Variants in THEMIS observed in about 807,000 individuals in gnomAD.
The protein encoded by THEMIS is protein THEMIS.
THEMIS carries 37 observed loss-of-function variants against 52.6 expected under a neutral mutation model. The ratio of observed to expected loss-of-function variants is 0.70; its 90% CI spans 0.54 to 0.93. The LOEUF (loss-of-function observed/expected upper bound fraction) is 0.93, where lower values mean the gene tolerates loss of function less well. Among genes scored for constraint, THEMIS ranks in the 40% least tolerant of loss-of-function variants. The pLI is 0.00. For missense variants in THEMIS, 808 were observed against 763.1 expected, an observed-to-expected ratio of 1.06 and a Z score of -0.69; for synonymous variants, 292 against 272.7, an observed-to-expected ratio of 1.07 and a Z score of -0.70.
intron 4 of THEMIS, among the ~76,000 whole-genome samples, chr6:127,741,030 A>G (rs1775185468): frequency 6.6e-6 from 1 of 152,196 alleles, no homozygotes; most frequent in Non-Finnish European, 1.5e-5. Flanking sequence ...TTTATAGATA[A>G]CATCTATTAG....
At chr6:127,785,182 A>G (rs1279052378) in intron 4 of THEMIS, among the ~76,000 whole-genome samples, 1 of 151,078 alleles carries the variant, frequency 6.6e-6, no homozygotes, top group Admixed American at 6.6e-5. Flanking sequence ...TTGTCTACCT[A>G]CCTAATCTAT....
At position 127,813,613 on chromosome 6, in the gene THEMIS, T is replaced by C. The variant is rs1216504882; in HGVS notation, c.1028A>G (p.Lys343Arg). 1 of 1,614,120 alleles carries C rather than the reference T, an allele frequency of 6.2e-7. No individual in the cohort carries two copies. Among genetic ancestry groups the C allele is most frequent in the Admixed American group, 1.7e-5 (1 of 60,014 alleles). Reference sequence around the variant, plus strand: ...CGTTGGGAACTCCCTCGGTCGCCGCTTGAACTTGCCTTTATAGCTAGTGGG... The same window carrying C: ...CGTTGGGAACTCCCTCGGTCGCCGCCTGAACTTGCCTTTATAGCTAGTGGG... ...LIPTSYKGKFKRRPREFPTAY... is the reference protein window; with the variant it reads ...LIPTSYKGKFRRRPREFPTAY... Residue 343 changes from lysine to arginine, a missense_variant, in exon 4 of 6, where the codon AAG (lysine) becomes AGG (arginine). Lys to Arg is a conservative substitution (Grantham distance 26, BLOSUM62 2). Coordinates refer to ENST00000368248, the MANE Select transcript of THEMIS (RefSeq NM_001010923.3).
intron 4 of THEMIS, among the ~76,000 whole-genome samples, chr6:127,728,416 G>A (rs925991065): frequency 2.0e-5 from 3 of 152,292 alleles, no homozygotes; most frequent in Admixed American, 1.3e-4. Flanking sequence ...ATCCCCCAAA[G>A]CAACTTCTTT....
At chr6:127,800,894 G>A (rs370449558) in intron 4 of THEMIS, among the ~76,000 whole-genome samples, 5 of 152,284 alleles carry the variant, frequency 3.3e-5, no homozygotes, top group Admixed American at 2.0e-4. Flanking sequence ...CATTAGTTCT[G>A]TCCCTGTAGA....
chr6:127,785,965 C>T (rs1037216274), intron 4 of THEMIS, among the ~76,000 whole-genome samples: 2 of 151,934 alleles, frequency 1.3e-5, no homozygotes, highest in Non-Finnish European at 2.9e-5. Context: ...CTGAAAGTAC[C>T]TCATCTTCTC....
chr6:127,852,213 C>G (rs1384586129), intron 2 of THEMIS, among the ~76,000 whole-genome samples: 2 of 151,210 alleles, frequency 1.3e-5, no homozygotes, highest in African/African-American at 4.8e-5. Flanking sequence ...ATACATATAC[C>G]CCTACCATCA....
intron 4 of THEMIS, among the ~76,000 whole-genome samples, chr6:127,802,538 T>TTGG (rs1777570589): frequency 2.0e-5 from 3 of 151,802 alleles, no homozygotes; most frequent in South Asian, 2.1e-4. Flanking sequence ...GGCTAATTAA[T>TTGG]CACAGTGTTC....
rs1380032190 is a variant in THEMIS at position 127,851,265 on chromosome 6, A to T, written c.250+3765T>A. Reference sequence around the variant, plus strand: ...AAATGGCAAAAACTTTCAAAATTTGATGAAAAACAATCTACACATTCAAGA... The same window carrying T: ...AAATGGCAAAAACTTTCAAAATTTGTTGAAAAACAATCTACACATTCAAGA... On this transcript the variant is annotated intron_variant, in intron 2 of 5. Transcript: ENST00000368248. Among the ~76,000 whole-genome samples, 7 of 151,376 alleles carry T rather than the reference A, an allele frequency of 4.6e-5. No homozygotes were observed. In the East Asian group the frequency reaches 1.4e-3, roughly 30 times the overall value.
At chr6:127,811,572 T>C (rs1777908821) in intron 4 of THEMIS, among the ~76,000 whole-genome samples, 1 of 152,218 alleles carries the variant, frequency 6.6e-6, no homozygotes, top group Admixed American at 6.5e-5. Context: ...TTTAAGCACA[T>C]GTGCAAAGTC....
At chr6:127,854,912 C>T (rs1221623473) in intron 2 of THEMIS, 118 bp downstream of exon 2, 2 of 801,272 alleles carry the variant, frequency 2.5e-6, no homozygotes, top group East Asian at 3.3e-5. Flanking sequence ...TCCGGATTTT[C>T]CCCCCCATTA....
At chr6:127,740,848 TTGTGACATATA>T (rs1775179635) in intron 4 of THEMIS, among the ~76,000 whole-genome samples, 1 of 152,202 alleles carries the variant, frequency 6.6e-6, no homozygotes, top group Non-Finnish European at 1.5e-5. Flanking sequence ...AGGGGACATT[TTGTGACATATA>T]TTTTTTATAT....
At chr6:127,840,267 A>G (rs944302834) in intron 2 of THEMIS, among the ~76,000 whole-genome samples, 1 of 152,128 alleles carries the variant, frequency 6.6e-6, no homozygotes, top group Non-Finnish European at 1.5e-5. Flanking sequence ...AATTGTATAA[A>G]TGGCCATGTT....
At position 127,849,106 on chromosome 6, in the gene THEMIS, G is replaced by C. The variant is rs1240882785; in HGVS notation, c.250+5924C>G. On this transcript the variant is annotated intron_variant, in intron 2 of 5. Transcript: ENST00000368248. ...CCATCTTGAATTAATTTTTGTATAA[G>C]GTGTAAGGAAGGGATCCAGTTTCAG... Among the ~76,000 whole-genome samples the C allele has an allele frequency of 2.6e-5, 4 of 152,036 alleles. No homozygotes were observed. In the South Asian group the frequency reaches 8.3e-4, roughly 32 times the overall value.
chr6:127,735,352 G>A (rs1345340996), intron 4 of THEMIS, among the ~76,000 whole-genome samples: 1 of 151,868 alleles, frequency 6.6e-6, no homozygotes, highest in Non-Finnish European at 1.5e-5. Flanking sequence ...TGTGTATGTT[G>A]ACAGAAAGCA....
At chr6:127,724,920 AC>A in intron 4 of THEMIS, among the ~76,000 whole-genome samples, 1 of 152,144 alleles carries the variant, frequency 6.6e-6, no homozygotes, top group South Asian at 2.1e-4. Context: ...ATAAAATCAT[AC>A]TTTTTCAATT....
At chr6:127,868,017 C>A (rs1451151878) in intron 1 of THEMIS, among the ~76,000 whole-genome samples, 5 of 152,020 alleles carry the variant, frequency 3.3e-5, no homozygotes, top group Non-Finnish European at 7.4e-5. Flanking sequence ...TCTCTACAGT[C>A]AAGTTCAAAT....
chr6:127,806,635 T>C (rs1265947432), intron 4 of THEMIS, among the ~76,000 whole-genome samples: 1 of 152,242 alleles, frequency 6.6e-6, no homozygotes, highest in Admixed American at 6.5e-5. Flanking sequence ...TCTTGAAATT[T>C]CCCTAAAATC....
chr6:127,842,910 C>T (rs760974495), intron 2 of THEMIS, among the ~76,000 whole-genome samples: 5 of 151,910 alleles, frequency 3.3e-5, no homozygotes, highest in East Asian at 1.9e-4. Context: ...CTGTGCAACT[C>T]GGGCTCACTG....
chr6:127,747,104 A>ATATTATATAAAATTG (rs1562231493), intron 4 of THEMIS, among the ~76,000 whole-genome samples: 1 of 3,288 alleles, frequency 3.0e-4, no homozygotes, highest in African/African-American at 6.4e-4. Context: ...ATATATAATT[A>ATATTATATAAAATTG]TATATAGATA....
Sources: gnomAD v4.1 joint callset for allele counts (sites outside exome capture counted in the v4.1 genomes callset) on GRCh38, gnomAD v4.1.1 for gene constraint, MANE v1.5 for transcripts, NCBI Gene and HGNC (gene_info 2026-07-23, HGNC 2026-07-21) for gene names.